ANO2: variants seen among roughly 807,000 people sequenced by gnomAD.
The protein encoded by ANO2 is anoctamin 2, also known as anoctamin-2.
Under a neutral mutation model 124.2 loss-of-function variants are expected in ANO2, and 101 were observed. That is an observed-to-expected ratio of 0.81 (90% CI 0.69 to 0.96). The LOEUF (loss-of-function observed/expected upper bound fraction) is 0.96, where lower values mean the gene tolerates loss of function less well. Among genes scored for constraint, ANO2 ranks in the 40% least tolerant of loss-of-function variants. ANO2 has a pLI of 0.00. For synonymous variants in ANO2, 486 were observed against 482.5 expected (o/e 1.01, Z -0.09); for missense variants, 1,293 against 1,274.5 (o/e 1.01, Z -0.22).
chr12:5,635,599 T>TCTCA lies in ANO2; in HGVS notation c.1621-253_1621-252insTGAG, dbSNP rs71445659. Among the ~76,000 whole-genome samples the TCTCA allele has an allele frequency of 4.1e-5, 6 of 146,906 alleles. No individual in the cohort carries two copies. Among genetic ancestry groups the TCTCA allele is most frequent in the Admixed American group, 1.4e-4 (2 of 14,718 alleles). Reference sequence around the variant, plus strand: ...TTTTTGTCAGATTCCAAATGATTTATCACACACACACACACACACACACAC... The same window carrying TCTCA: ...TTTTTGTCAGATTCCAAATGATTTATCTCACACACACACACACACACACACACAC... On this transcript the variant is annotated intron_variant, in intron 15 of 24. Transcript: ENST00000682330. This position sits in a 1 kb window ranked among gnomAD's most constrained non-coding sequence, Gnocchi z 5.2.
chr12:5,571,197 A>G (rs1284047545), intron 23 of ANO2, among the ~76,000 whole-genome samples: 1 of 152,212 alleles, frequency 6.6e-6, no homozygotes, highest in Non-Finnish European at 1.5e-5. Flanking sequence ...GAGACAAGAT[A>G]TCTATGCTCC....
chr12:5,871,104 G>A (rs11063893), intron 3 of ANO2, among the ~76,000 whole-genome samples: 5,369 of 152,196 alleles, frequency 0.035, 325 homozygotes, highest in African/African-American at 0.12. Context: ...GGCCCCAGTC[G>A]TTAGCCTGGA....
At chr12:5,597,072 C>G (rs1943698730) in intron 20 of ANO2, among the ~76,000 whole-genome samples, 1 of 152,044 alleles carries the variant, frequency 6.6e-6, no homozygotes, top group Non-Finnish European at 1.5e-5. Context: ...CTCTGCTCCT[C>G]TTTGTTGTAT....
rs373443581 is a variant in ANO2 at position 5,842,823 on chromosome 12, C to T, written c.634-10220G>A. Among the ~76,000 whole-genome samples the T allele has an allele frequency of 8.5e-5, 13 of 152,306 alleles. 1 individual carries two copies. The East Asian group carries it at 1.5e-3, about 18-fold the overall frequency. The stretch of plus-strand genomic sequence containing the variant: ...CTCATACGCACATCCGCCACACGGC[C>T]GTGACCATCTCAGGTTCCTCACAGG... On this transcript the variant is annotated intron_variant, in intron 4 of 24. Coordinates refer to ENST00000682330, the MANE Select transcript of ANO2 (RefSeq NM_001364791.2).
chr12:5,594,443 T>C (rs1943561643), intron 20 of ANO2, among the ~76,000 whole-genome samples: 1 of 152,180 alleles, frequency 6.6e-6, no homozygotes, highest in Non-Finnish European at 1.5e-5. Context: ...TGGTCTGATG[T>C]GAAATGCAAA....
intron 10 of ANO2, among the ~76,000 whole-genome samples, chr12:5,760,488 A>T (rs1164775165): frequency 6.6e-6 from 1 of 152,184 alleles, no homozygotes; most frequent in Non-Finnish European, 1.5e-5. Context: ...CTCTCATCCC[A>T]AACAACTATC....
chr12:5,653,326 G>A (rs186893412), intron 14 of ANO2, among the ~76,000 whole-genome samples: 28 of 152,288 alleles, frequency 1.8e-4, no homozygotes, highest in Admixed American at 1.8e-3. Flanking sequence ...TTGACCCTAT[G>A]TTCTGGCAAA....
At chr12:5,699,716 C>A (rs1405821309) in intron 14 of ANO2, among the ~76,000 whole-genome samples, 1 of 151,974 alleles carries the variant, frequency 6.6e-6, no homozygotes, top group Non-Finnish European at 1.5e-5. Flanking sequence ...AGAGACACAC[C>A]TAGGCTCAAA....
At chr12:5,711,358 T>C (rs1314935306) in intron 14 of ANO2, among the ~76,000 whole-genome samples, 1 of 152,096 alleles carries the variant, frequency 6.6e-6, no homozygotes, top group Non-Finnish European at 1.5e-5. Context: ...TCTCTTGCCA[T>C]GTAACAAGCC....
intron 14 of ANO2, among the ~76,000 whole-genome samples, chr12:5,719,126 A>G (rs547649786): frequency 3.4e-4 from 51 of 152,186 alleles, no homozygotes; most frequent in Non-Finnish European, 6.2e-4. Flanking sequence ...AGACCCTGAT[A>G]CCGTTAGTGT....
At chr12:5,813,640 T>G (rs1044349535) in intron 7 of ANO2, among the ~76,000 whole-genome samples, 1 of 152,164 alleles carries the variant, frequency 6.6e-6, no homozygotes, top group Non-Finnish European at 1.5e-5. Flanking sequence ...TTCTCCATCT[T>G]CCCTTTCACT....
At chr12:5,779,240 T>A (rs1186948180) in intron 10 of ANO2, among the ~76,000 whole-genome samples, 1 of 152,244 alleles carries the variant, frequency 6.6e-6, no homozygotes, top group African/African-American at 2.4e-5. Flanking sequence ...CCCTTTTCTT[T>A]GGTCAAACTC....
At chr12:5,565,858 GCCAATGTCA>G (rs1941720046) in intron 23 of ANO2, among the ~76,000 whole-genome samples, 195 bp from the exon 24 acceptor site, 1 of 152,182 alleles carries the variant, frequency 6.6e-6, no homozygotes, top group South Asian at 2.1e-4. Flanking sequence ...GTCCAAGAAA[GCCAATGTCA>G]GCCTAGAAAT....
chr12:5,653,741 T>C (rs934314601), intron 14 of ANO2, among the ~76,000 whole-genome samples: 2 of 152,130 alleles, frequency 1.3e-5, no homozygotes, highest in Non-Finnish European at 2.9e-5. Context: ...TGAACGCAAA[T>C]TATGACATGA....
chr12:5,754,048 C>T lies in ANO2; in HGVS notation c.1056-3078G>A, dbSNP rs138433061. ...GACTTCTATTGTGTTGATGTTAGTTCCTTCTATTCCTAATTCATTGACAGT... is the reference window on the plus strand; with the variant it reads ...GACTTCTATTGTGTTGATGTTAGTTTCTTCTATTCCTAATTCATTGACAGT... On this transcript the variant is annotated intron_variant, in intron 10 of 24. Coordinates refer to ENST00000682330, the MANE Select transcript of ANO2 (RefSeq NM_001364791.2). 4.2e-3 allele frequency among the ~76,000 whole-genome samples: 641 copies of T among 152,194 alleles called. 3 individuals carry two copies. The highest frequency in any genetic ancestry group is 0.015 in the African/African-American group (625 of 41,522).
chr12:5,762,862 C>T (rs1951779614), intron 10 of ANO2, among the ~76,000 whole-genome samples: 2 of 151,986 alleles, frequency 1.3e-5, no homozygotes, highest in South Asian at 4.1e-4. Context: ...TTAAGTTAAA[C>T]AAAAACTTGT....
intron 4 of ANO2, among the ~76,000 whole-genome samples, chr12:5,853,782 G>A (rs1480862284): frequency 2.0e-5 from 3 of 151,664 alleles, no homozygotes; most frequent in Admixed American, 6.6e-5. Flanking sequence ...TGAAGAACAC[G>A]GACAGGGACA....
chr12:5,893,855 G>A (rs1939586876), intron 3 of ANO2, among the ~76,000 whole-genome samples: 1 of 152,132 alleles, frequency 6.6e-6, no homozygotes, highest in South Asian at 2.1e-4. Context: ...ATTCCACGGT[G>A]TATATGTGCC....
chr12:5,863,468 A>T (rs1013341701), intron 3 of ANO2, among the ~76,000 whole-genome samples: 1 of 152,218 alleles, frequency 6.6e-6, no homozygotes. Context: ...TACCAGCTGC[A>T]CCATTTCCAA....
Sources: allele counts gnomAD v4.1 joint callset (sites outside exome capture counted in the v4.1 genomes callset), GRCh38; gene constraint gnomAD v4.1.1; non-coding constraint Gnocchi (gnomAD v3.1); transcripts MANE v1.5; gene names NCBI Gene and HGNC (gene_info 2026-07-23, HGNC 2026-07-21).